JHY: variants seen among roughly 807,000 people sequenced by gnomAD.
The protein encoded by JHY is junctional cadherin complex regulator, also known as jhy protein homolog.
JHY carries 69 observed loss-of-function variants against 78.0 expected under a neutral mutation model. The observed-to-expected ratio is 0.88, with a 90% confidence interval of 0.73 to 1.08. The LOEUF (loss-of-function observed/expected upper bound fraction) is 1.08, where lower values mean the gene tolerates loss of function less well. JHY is among the 50% of genes least tolerant of loss of function. JHY has a pLI of 0.00. For synonymous variants in JHY, 368 were observed against 342.6 expected (o/e 1.07, Z -0.82); for missense variants, 944 against 927.8 (o/e 1.02, Z -0.23).
In JHY at chr11:122,904,329, A is replaced by T; in HGVS notation, c.749A>T (p.Lys250Ile). ...LPGSRGPRRR[K>I]SKQHFVEKNK... The stretch of plus-strand genomic sequence containing the variant: ...GGATCACGTGGCCCTCGGCGAAGGA[A>T]ATCCAAACAACATTTTGTGGAAAAA... The change falls in exon 3 of 9, where the codon AAA becomes ATA. Residue 250 changes from lysine to isoleucine, a missense_variant. By Grantham distance (102) the Lys-to-Ile change is moderately radical. Coordinates refer to ENST00000227349, the MANE Select transcript of JHY (RefSeq NM_024806.4). The T allele has an allele frequency of 6.2e-7, 1 of 1,614,132 alleles. No individual in the cohort carries two copies. The highest frequency in any genetic ancestry group is 8.5e-7 in the Non-Finnish European group (1 of 1,180,030).
At position 122,960,364 on chromosome 11, in the gene JHY, T is replaced by A. The variant is rs1242491760; in HGVS notation, c.*919T>A. On this transcript the variant is annotated 3_prime_UTR_variant, in exon 9 of 9. Coordinates refer to ENST00000227349, the MANE Select transcript of JHY (RefSeq NM_024806.4). ...GTGGCACTTTCTGCCACTGCCACAG[T>A]GGCCCCCTCTCTGTAGAATGCAGTT... is the stretch of plus-strand genomic sequence containing the variant. The A allele has an allele frequency of 2.7e-5, 5 of 181,964 alleles. No individual in the cohort carries two copies. In the South Asian group the frequency reaches 5.1e-4, roughly 18 times the overall value. 11.3% of individuals were successfully genotyped at this position (181,964 alleles called of 1,614,324 possible). A position where few individuals can be genotyped will look rare whatever the true frequency, so the allele number is the denominator to read the frequency against.
intron 5 of JHY, among the ~76,000 whole-genome samples, chr11:122,945,695 G>C (rs1863948511): frequency 6.6e-6 from 1 of 152,202 alleles, no homozygotes; most frequent in Admixed American, 6.5e-5. Context: ...CCTCATCCAA[G>C]ATCATTGTTA....
intron 2 of JHY, among the ~76,000 whole-genome samples, chr11:122,899,996 G>A (rs1167490352): frequency 1.3e-5 from 2 of 152,212 alleles, no homozygotes; most frequent in Non-Finnish European, 2.9e-5. Context: ...GAGTTCCTAG[G>A]ACAGTGCATC....
rs1862487248 is a variant in JHY, at chr11:122,886,018, C to T, written c.169C>T (p.His57Tyr). ...SESLTQEIMC[H>Y]SEFDDRIRGN... ...AAGCCTCACGCAAGAGATTATGTGC[C>T]ATTCTGAGTTTGATGATCGAATCCG... The change falls in exon 2 of 9, where the codon CAT becomes TAT. Residue 57 changes from histidine (H) to tyrosine (Y), a missense_variant. Coordinates refer to ENST00000227349, the MANE Select transcript of JHY (RefSeq NM_024806.4). 2.5e-6 allele frequency: 4 copies of T among 1,614,150 alleles called. No individual in the cohort carries two copies. The highest frequency in any genetic ancestry group is 1.1e-5 in the South Asian group (1 of 91,084).
At position 122,883,291 on chromosome 11, in the gene JHY, TC is replaced by T. The variant is rs1862424160; in HGVS notation, c.-90+321del. Among the ~76,000 whole-genome samples, 1 of 152,138 alleles carries T rather than the reference TC, an allele frequency of 6.6e-6. No individual in the cohort carries two copies. The highest frequency in any genetic ancestry group is 2.4e-5 in the African/African-American group (1 of 41,432). On this transcript the variant is annotated intron_variant, in intron 1 of 8. Transcript: ENST00000227349. The surrounding 1 kb of genome is among the most constrained non-coding windows in gnomAD (Gnocchi z 4.4). ...AAACGCCCCTTGTGACAGGCCTTGT[TC>T]CTCAGGAACAAGCAAAGGTAGAAAA... is the stretch of plus-strand genomic sequence containing the variant.
In JHY at chr11:122,903,918, T is replaced by C; in HGVS notation, c.345-7T>C. ...AGGACTTGGCATTTCTCTTCTGCTTTGGGCAGGCAACAACCAATAGAAGAC... is the reference window on the plus strand; with the variant it reads ...AGGACTTGGCATTTCTCTTCTGCTTCGGGCAGGCAACAACCAATAGAAGAC... On this transcript the variant is annotated splice_polypyrimidine_tract_variant and splice_region_variant and intron_variant, in intron 2 of 8. Transcript: ENST00000227349. 7 of 1,557,242 alleles carry C rather than the reference T, an allele frequency of 4.5e-6. No homozygotes were observed. The highest frequency in any genetic ancestry group is 1.2e-5 in the South Asian group (1 of 82,692).
At position 122,904,388 on chromosome 11, in the gene JHY, A is replaced by G. The variant is rs145494873; in HGVS notation, c.808A>G (p.Thr270Ala). Residue 270 changes from threonine (T) to alanine (A), a missense_variant, in exon 3 of 9, where the codon ACG becomes GCG. Thr to Ala is a moderately conservative substitution (Grantham distance 58). Coordinates refer to ENST00000227349, the MANE Select transcript of JHY (RefSeq NM_024806.4). ...CACTTTGGGATTACCCACCCCGAAA[A>G]CGGACTCTTATCTTCAACTTCACAA... The part of the protein sequence containing the change: ...KLTLGLPTPK[T>A]DSYLQLHNKK... 3 of 1,613,978 alleles carry G rather than the reference A, an allele frequency of 1.9e-6. No individual in the cohort carries two copies. Among genetic ancestry groups the G allele is most frequent in the Non-Finnish European group, 2.5e-6 (3 of 1,180,016 alleles).
chr11:122,921,897 C>G (rs974627353), intron 3 of JHY, among the ~76,000 whole-genome samples: 2 of 152,126 alleles, frequency 1.3e-5, no homozygotes, highest in African/African-American at 4.8e-5. Context: ...GGCAGGAGAA[C>G]CGCTCGAGCC....
intron 6 of JHY, among the ~76,000 whole-genome samples, chr11:122,949,478 G>A (rs541826010): frequency 6.3e-4 from 96 of 152,294 alleles, no homozygotes; most frequent in African/African-American, 2.3e-3. Context: ...GCCTCAAAGA[G>A]AAAGTGAAAC....
chr11:122,953,512 G>A (rs763035750), intron 6 of JHY, among the ~76,000 whole-genome samples: 100 of 150,210 alleles, frequency 6.7e-4, no homozygotes, highest in Middle Eastern at 3.4e-3. Flanking sequence ...TGAGGCAGGA[G>A]AATCACTTGA....
rs996582110 is a variant in JHY, at chr11:122,959,055, A to T, written c.2140-193A>T. On this transcript the variant is annotated intron_variant, in intron 8 of 8. Transcript: ENST00000227349. ...TTCAACTCCTTTTTTTCCACAATAT[A>T]TTGTTTTGTGGCTAATGTATTTTGT... 4 of 969,262 alleles carry T rather than the reference A, an allele frequency of 4.1e-6. No individual in the cohort carries two copies. In the East Asian group the frequency reaches 4.6e-4, roughly 111 times the overall value. 60.0% of individuals were successfully genotyped at this position (969,262 alleles called of 1,614,324 possible).
chr11:122,886,776 T>C (rs946480896), intron 2 of JHY, among the ~76,000 whole-genome samples: 4 of 152,106 alleles, frequency 2.6e-5, no homozygotes, highest in African/African-American at 9.7e-5. Context: ...GCTCACTTTT[T>C]CTCGTCTGTC....
intron 8 of JHY, among the ~76,000 whole-genome samples, chr11:122,957,953 C>T (rs1265372326): frequency 2.6e-5 from 4 of 152,080 alleles, no homozygotes; most frequent in African/African-American, 9.7e-5. Context: ...CTTAAATGAG[C>T]AAGCTTCATC....
At chr11:122,942,659 A>C (rs1175989140) in intron 5 of JHY, among the ~76,000 whole-genome samples, 17 of 152,092 alleles carry the variant, frequency 1.1e-4, no homozygotes, top group Admixed American at 9.8e-4. Flanking sequence ...CCTGACCTCG[A>C]GTGATCCACC....
At chr11:122,928,518 A>T (rs575606541) in intron 4 of JHY, among the ~76,000 whole-genome samples, 3 of 151,554 alleles carry the variant, frequency 2.0e-5, no homozygotes, top group African/African-American at 7.2e-5. Context: ...CATTCCAGGC[A>T]CTGTGGATTA....
At position 122,946,881 on chromosome 11, in the gene JHY, G is replaced by T. The variant is rs959624458; in HGVS notation, c.1929+89G>T. The stretch of plus-strand genomic sequence containing the variant: ...GTAATTATAGCCCTGGAATAGGGAT[G>T]GTCATTACTGAGTTGCTGCCACACT... On this transcript the variant is annotated intron_variant, in intron 6 of 8. Transcript: ENST00000227349. 3 of 1,456,392 alleles carry T rather than the reference G, an allele frequency of 2.1e-6. No individual in the cohort carries two copies. The African/African-American group carries it at 4.3e-5, about 21-fold the overall frequency. 90.2% of individuals were successfully genotyped at this position (1,456,392 alleles called of 1,614,324 possible). A position where few individuals can be genotyped will look rare whatever the true frequency, so the allele number is the denominator to read the frequency against.
intron 5 of JHY, among the ~76,000 whole-genome samples, chr11:122,941,552 T>C (rs1863874768): frequency 6.6e-6 from 1 of 152,188 alleles, no homozygotes; most frequent in Non-Finnish European, 1.5e-5. Context: ...TTCTTTTTCC[T>C]CCCTCTATAT....
At chr11:122,891,560 C>A in intron 2 of JHY, among the ~76,000 whole-genome samples, 1 of 69,962 alleles carries the variant, frequency 1.4e-5, no homozygotes, top group Middle Eastern at 6.3e-3. Context: ...ACTTCTGAAA[C>A]CTTGTATATT....
Position 122,904,363 on chromosome 11 carries a change from C to G in JHY, c.783C>G (p.Leu261=). ...SKQHFVEKNK[L]TLGLPTPKTD... ...AACATTTTGTGGAAAAAAACAAGCT[C>G]ACTTTGGGATTACCCACCCCGAAAA... is the stretch of plus-strand genomic sequence containing the variant. Residue 261 remains leucine, a synonymous_variant, in exon 3 of 9, where the codon CTC becomes CTG. Coordinates refer to ENST00000227349, the MANE Select transcript of JHY (RefSeq NM_024806.4). The G allele has an allele frequency of 6.2e-7, 1 of 1,614,136 alleles. No individual in the cohort carries two copies. The highest frequency in any genetic ancestry group is 8.5e-7 in the Non-Finnish European group (1 of 1,180,028).
Sources: allele counts gnomAD v4.1 joint callset (sites outside exome capture counted in the v4.1 genomes callset), GRCh38; gene constraint gnomAD v4.1.1; non-coding constraint Gnocchi (gnomAD v3.1); transcripts MANE v1.5; gene names NCBI Gene and HGNC (gene_info 2026-07-23, HGNC 2026-07-21).